The following PAPPA variants were observed in gnomAD, a reference collection of about 807,000 sequenced individuals.
PAPPA encodes pappalysin-1.
In PAPPA, 60 loss-of-function variants were observed where a neutral mutation model predicts 164.0. The ratio of observed to expected loss-of-function variants is 0.37; its 90% confidence interval spans 0.30 to 0.45. The LOEUF (loss-of-function observed/expected upper bound fraction) is 0.45. PAPPA is among the 20% of genes least tolerant of loss of function. The pLI, the probability that PAPPA is intolerant of heterozygous loss-of-function variation, is 1.00. For missense variants in PAPPA, 1,782 were observed against 2,087.3 expected, an observed-to-expected ratio of 0.85 and a Z score of 2.85; for synonymous variants, 875 against 814.1, an observed-to-expected ratio of 1.07 and a Z score of -1.27.
chr9:116,336,009 G>A (rs766104585), intron 13 of PAPPA, among the ~76,000 whole-genome samples: 3 of 152,144 alleles, frequency 2.0e-5, no homozygotes, highest in Admixed American at 6.5e-5. Context: ...TAAAGTTAGA[G>A]CTGGAAAAAG....
At chr9:116,253,843 C>T (rs1844890236) in intron 7 of PAPPA, among the ~76,000 whole-genome samples, 1 of 152,182 alleles carries the variant, frequency 6.6e-6, no homozygotes, top group Non-Finnish European at 1.5e-5. Context: ...AAATATCTAG[C>T]ATACTACCAA....
intron 5 of PAPPA, among the ~76,000 whole-genome samples, chr9:116,222,074 C>T (rs893830717): frequency 1.3e-5 from 2 of 152,152 alleles, no homozygotes; most frequent in East Asian, 1.9e-4. Context: ...TTCCTCAGAA[C>T]ATTCAAAATA....
At chr9:116,306,920 A>G (rs1033539726) in intron 10 of PAPPA, among the ~76,000 whole-genome samples, 4 of 152,238 alleles carry the variant, frequency 2.6e-5, no homozygotes, top group Non-Finnish European at 5.9e-5. Context: ...GTGCTCTCCT[A>G]AGGGATTACA....
intron 9 of PAPPA, among the ~76,000 whole-genome samples, chr9:116,280,338 A>G (rs767370785): frequency 1.3e-5 from 2 of 152,168 alleles, no homozygotes; most frequent in Non-Finnish European, 2.9e-5. Context: ...CCTCCTTTAC[A>G]TTGAGGGGGT....
At chr9:116,289,315 CATATATATGGCATATATATAG>C (rs1845399473) in intron 9 of PAPPA, among the ~76,000 whole-genome samples, 1 of 138,786 alleles carries the variant, frequency 7.2e-6, no homozygotes, top group Non-Finnish European at 1.5e-5. Flanking sequence ...ATATATATGG[CATATATATGGCATATATATAG>C]CATATATATG....
chr9:116,383,171 A>G (rs1031286046), intron 21 of PAPPA, among the ~76,000 whole-genome samples: 4 of 152,154 alleles, frequency 2.6e-5, no homozygotes, highest in Non-Finnish European at 5.9e-5. Flanking sequence ...CTCACAGAAA[A>G]GTGGCCACCT....
chr9:116,170,326 A>G (rs900878922), intron 1 of PAPPA, among the ~76,000 whole-genome samples: 5 of 152,168 alleles, frequency 3.3e-5, no homozygotes, highest in Admixed American at 2.0e-4. Flanking sequence ...GTTGGAGTAA[A>G]TAGAATTTGG....
chr9:116,199,419 C>T (rs921910111), intron 2 of PAPPA, among the ~76,000 whole-genome samples: 2 of 152,214 alleles, frequency 1.3e-5, no homozygotes, highest in Admixed American at 6.5e-5. Context: ...CCCACCCTAA[C>T]TCAGCATCAG....
intron 7 of PAPPA, among the ~76,000 whole-genome samples, chr9:116,257,727 G>A (rs1361593275): frequency 6.6e-6 from 1 of 151,866 alleles, no homozygotes; most frequent in Non-Finnish European, 1.5e-5. Flanking sequence ...TCTGAGGATT[G>A]AAAAGGAAAC....
At position 116,201,704 on chromosome 9, in the gene PAPPA, A is replaced by C. The variant is rs10983077; in HGVS notation, c.1479-5752A>C. On this transcript the variant is annotated intron_variant, in intron 2 of 21. Coordinates refer to ENST00000328252, the MANE Select transcript of PAPPA (RefSeq NM_002581.5). ...TCCCATTTCACATGTGAGGAAATTG[A>C]GATACCAAGTGACAGGGTCAGTTGT... 4.4e-3 allele frequency among the ~76,000 whole-genome samples: 677 copies of C among 152,336 alleles called. 3 individuals are homozygous for C. Among genetic ancestry groups the C allele is most frequent in the Non-Finnish European group, 6.9e-3 (468 of 68,032 alleles).
At chr9:116,162,940 T>C (rs1268176950) in intron 1 of PAPPA, among the ~76,000 whole-genome samples, 8 of 152,010 alleles carry the variant, frequency 5.3e-5, no homozygotes, top group Non-Finnish European at 7.4e-5. Context: ...GATAAACACA[T>C]TATTGTGTCA....
chr9:116,334,788 G>C, intron 12 of PAPPA, 73 bp from the exon 13 acceptor site: 1 of 1,117,084 alleles, frequency 9.0e-7, no homozygotes, highest in Non-Finnish European at 1.3e-6. Flanking sequence ...CTTCGGGAAG[G>C]GCCCGTTGGG....
At chr9:116,203,269 T>C (rs1009502449) in intron 2 of PAPPA, among the ~76,000 whole-genome samples, 1 of 152,208 alleles carries the variant, frequency 6.6e-6, no homozygotes, top group African/African-American at 2.4e-5. Flanking sequence ...GTATTAGATA[T>C]ATGACCTTGG....
chr9:116,311,800 T>C (rs1248076441), intron 10 of PAPPA, among the ~76,000 whole-genome samples: 3 of 152,152 alleles, frequency 2.0e-5, no homozygotes. Flanking sequence ...CCTACTAAAC[T>C]ACATTATCCC....
At chr9:116,264,027 A>G (rs1845035005) in intron 7 of PAPPA, among the ~76,000 whole-genome samples, 1 of 152,228 alleles carries the variant, frequency 6.6e-6, no homozygotes, top group Non-Finnish European at 1.5e-5. Context: ...CTTATTTTAT[A>G]TCACAATGTG....
At chr9:116,164,765 A>G (rs1843702713) in intron 1 of PAPPA, among the ~76,000 whole-genome samples, 1 of 152,208 alleles carries the variant, frequency 6.6e-6, no homozygotes, top group Non-Finnish European at 1.5e-5. Context: ...GTGACTGCAG[A>G]TCTTTCAGCT....
intron 9 of PAPPA, among the ~76,000 whole-genome samples, chr9:116,274,179 G>A (rs748507956): frequency 3.7e-4 from 56 of 152,108 alleles, no homozygotes; most frequent in Non-Finnish European, 6.9e-4. Context: ...TAATGGAATG[G>A]AATACAAAAC....
At position 116,398,651 on chromosome 9, in the gene PAPPA, T is replaced by C. The variant is rs916502846; in HGVS notation, c.*2035T>C. ...TGCTTTTGGCACAGGTGCCCACAAA[T>C]ACGGATGCAGTGCTGAGATAGTTTA... is the stretch of plus-strand genomic sequence containing the variant. On this transcript the variant is annotated 3_prime_UTR_variant, in exon 22 of 22. Transcript: ENST00000328252. 1.6e-6 allele frequency: 1 copy of C among 630,298 alleles called. No homozygotes were observed. The highest frequency in any genetic ancestry group is 2.6e-6 in the Non-Finnish European group (1 of 386,404). 39.0% of individuals were successfully genotyped at this position (630,298 alleles called of 1,614,324 possible).
At chr9:116,313,355 C>T (rs959774766) in intron 10 of PAPPA, among the ~76,000 whole-genome samples, 8 of 152,298 alleles carry the variant, frequency 5.3e-5, no homozygotes, top group African/African-American at 9.6e-5. Context: ...GGGGACACTT[C>T]GGTGATGTCT....
Sources: gnomAD v4.1 joint callset for allele counts (sites outside exome capture counted in the v4.1 genomes callset) on GRCh38, gnomAD v4.1.1 for gene constraint, MANE v1.5 for transcripts, NCBI Gene and HGNC (gene_info 2026-07-23, HGNC 2026-07-21) for gene names.